DENND4A: variants seen among roughly 807,000 people sequenced by gnomAD.
DENND4A encodes the protein C-myc promoter-binding protein.
DENND4A carries 70 observed loss-of-function variants against 199.3 expected under a neutral mutation model. The observed-to-expected ratio is 0.35, with a 90% CI of 0.29 to 0.43. DENND4A has a LOEUF of 0.43. Among genes scored for constraint, DENND4A ranks in the 20% least tolerant of loss-of-function variants. DENND4A has a pLI of 1.00. For missense variants in DENND4A, 1,723 were observed against 2,255.8 expected (o/e 0.76, Z 4.78); for synonymous variants, 686 against 766.9 (o/e 0.89, Z 1.74).
intron 1 of DENND4A, among the ~76,000 whole-genome samples, chr15:65,777,831 C>T (rs2077322524): frequency 6.6e-6 from 1 of 152,044 alleles, no homozygotes; most frequent in African/African-American, 2.4e-5. Flanking sequence ...GTCAGGAGTT[C>T]GAGACCAGTC....
chr15:65,732,957 T>G (rs1025897132), intron 7 of DENND4A, 139 bp from the exon 8 acceptor site: 16 of 516,758 alleles, frequency 3.1e-5, no homozygotes, highest in Non-Finnish European at 4.8e-5. Context: ...TGAAAACAAG[T>G]GAACAACCAA....
chr15:65,783,136 T>A (rs1062198), intron 1 of DENND4A, among the ~76,000 whole-genome samples: 30,929 of 152,082 alleles, frequency 0.2, 4,211 homozygotes, highest in East Asian at 0.73. Flanking sequence ...GGGAAAAGGT[T>A]TGATTTAAGT....
At chr15:65,760,963 A>G (rs998539606) in intron 2 of DENND4A, among the ~76,000 whole-genome samples, 2 of 152,186 alleles carry the variant, frequency 1.3e-5, no homozygotes, top group East Asian at 1.9e-4. Flanking sequence ...TTTGAGAACT[A>G]CCACCTTATC....
intron 29 of DENND4A, among the ~76,000 whole-genome samples, chr15:65,666,778 CAAAA>C (rs36113125): frequency 2.2e-4 from 20 of 91,722 alleles, no homozygotes; most frequent in East Asian, 4.8e-4. Flanking sequence ...GACCTTGTGT[CAAAA>C]AAAAAAAAAA....
intron 28 of DENND4A, 65 bp from the exon 29 acceptor site, chr15:65,667,768 A>G (rs759160168): frequency 1.3e-5 from 20 of 1,534,736 alleles, no homozygotes; most frequent in South Asian, 2.5e-5. Flanking sequence ...AAAAAATTCA[A>G]TGATTCCCAT....
chr15:65,702,585 G>T, intron 16 of DENND4A, 74 bp from the exon 17 acceptor site: 1 of 1,216,722 alleles, frequency 8.2e-7, no homozygotes, highest in Non-Finnish European at 1.2e-6. Flanking sequence ...TGCTAAACAA[G>T]TACAAGTCAC....
chr15:65,660,930 TATA>T lies in DENND4A; in HGVS notation c.*918_*920del, dbSNP rs1334039827. 1 of 152,224 alleles carries T rather than the reference TATA, an allele frequency of 6.6e-6. No homozygotes were observed. The highest frequency in any genetic ancestry group is 1.9e-4 in the East Asian group (1 of 5,208). The allele number at this position is 152,224 out of a possible 1,614,324, so 9.4% of individuals were successfully genotyped here. On this transcript the variant is annotated 3_prime_UTR_variant, in exon 33 of 33. Coordinates refer to ENST00000443035, the MANE Select transcript of DENND4A (RefSeq NM_001320835.1). ...ATTAAAATAAGGGTAAAATTTGGAA[TATA>T]ATCACTTGTCTGCATATTTCCCAAT...
chr15:65,660,290 G>A lies in DENND4A; in HGVS notation c.*1561C>T, dbSNP rs963894420. The A allele has an allele frequency of 2.6e-6, 4 of 1,535,262 alleles. No homozygotes were observed. The African/African-American group carries it at 4.1e-5, about 16-fold the overall frequency. Reference sequence around the variant, plus strand: ...CCATTATTTCCCAGAGTTGGAAGCTGTGAAATGTTTCAGCATGGTGCTATT... The same window carrying A: ...CCATTATTTCCCAGAGTTGGAAGCTATGAAATGTTTCAGCATGGTGCTATT... On this transcript the variant is annotated 3_prime_UTR_variant, in exon 33 of 33. Coordinates refer to ENST00000443035, the MANE Select transcript of DENND4A (RefSeq NM_001320835.1).
chr15:65,712,429 A>G (rs2075278840), intron 14 of DENND4A, among the ~76,000 whole-genome samples: 1 of 152,220 alleles, frequency 6.6e-6, no homozygotes, highest in Non-Finnish European at 1.5e-5. Flanking sequence ...ACGCTATGAT[A>G]GGCAGCTATA....
intron 1 of DENND4A, among the ~76,000 whole-genome samples, chr15:65,782,304 C>T (rs1171103211): frequency 2.0e-5 from 3 of 152,190 alleles, no homozygotes; most frequent in Admixed American, 6.5e-5. Flanking sequence ...CCTCACTCAG[C>T]TCTTCACATT....
At chr15:65,747,385 G>C (rs927086983) in intron 4 of DENND4A, among the ~76,000 whole-genome samples, 10 of 152,106 alleles carry the variant, frequency 6.6e-5, no homozygotes, top group Admixed American at 2.6e-4. Context: ...CTTTCTATAA[G>C]CTTAATATGG....
intron 3 of DENND4A, among the ~76,000 whole-genome samples, chr15:65,754,718 C>A (rs1179022868): frequency 6.6e-6 from 1 of 152,184 alleles, no homozygotes; most frequent in Non-Finnish European, 1.5e-5. Flanking sequence ...ATATGAGATA[C>A]CATCTCACAC....
At chr15:65,723,016 T>A in intron 11 of DENND4A, 68 bp from the exon 12 acceptor site, 1 of 1,173,376 alleles carries the variant, frequency 8.5e-7, no homozygotes, top group Non-Finnish European at 1.2e-6. Context: ...TATATATCTG[T>A]TATATATAAA....
intron 14 of DENND4A, among the ~76,000 whole-genome samples, chr15:65,709,317 G>GCATTGTATAATTATTTATA (rs2075158154): frequency 6.6e-6 from 1 of 152,140 alleles, no homozygotes; most frequent in Non-Finnish European, 1.5e-5. Context: ...GGTAGTAACA[G>GCATTGTATAATTATTTATA]CATTGTATAA....
intron 29 of DENND4A, 128 bp from the exon 30 acceptor site, chr15:65,665,590 T>G: frequency 1.6e-6 from 1 of 622,542 alleles, no homozygotes; most frequent in Non-Finnish European, 2.6e-6. Flanking sequence ...AGAAAAAGAC[T>G]GATTTATCTA....
intron 22 of DENND4A, among the ~76,000 whole-genome samples, chr15:65,693,401 T>C (rs545180544): frequency 6.6e-6 from 1 of 152,260 alleles, no homozygotes; most frequent in East Asian, 1.9e-4. Context: ...TGAGCCAACA[T>C]TTAGAGCAAG....
intron 31 of DENND4A, 40 bp downstream of exon 31, chr15:65,664,520 G>C (rs780384012): frequency 5.0e-6 from 8 of 1,585,312 alleles, no homozygotes; most frequent in Non-Finnish European, 6.9e-6. Context: ...ATATGAATCT[G>C]CCTAGGAGAA....
chr15:65,784,470 T>C (rs990140097), intron 1 of DENND4A, among the ~76,000 whole-genome samples: 16 of 142,852 alleles, frequency 1.1e-4, no homozygotes, highest in Non-Finnish European at 2.3e-4. Context: ...AAAAAAAAAA[T>C]AGGGGAAACT....
At chr15:65,789,120 C>T (rs962552653) in intron 1 of DENND4A, among the ~76,000 whole-genome samples, 1 of 152,028 alleles carries the variant, frequency 6.6e-6, no homozygotes, top group Non-Finnish European at 1.5e-5. Context: ...ATTAATTTCA[C>T]CATTCCCATA....
Sources: gnomAD v4.1 joint callset for allele counts (sites outside exome capture counted in the v4.1 genomes callset) on GRCh38, gnomAD v4.1.1 for gene constraint, MANE v1.5 for transcripts, NCBI Gene and HGNC (gene_info 2026-07-23, HGNC 2026-07-21) for gene names.